Variants in PTPN14 observed in about 807,000 individuals in gnomAD.
The protein encoded by PTPN14 is protein tyrosine phosphatase non-receptor type 14, also known as tyrosine-protein phosphatase non-receptor type 14.
A neutral mutation model predicts 126.8 loss-of-function variants in PTPN14; 53 were observed. The observed-to-expected ratio is 0.42, with a 90% confidence interval of 0.34 to 0.53. The LOEUF (loss-of-function observed/expected upper bound fraction) is 0.53. Ranked by LOEUF, PTPN14 falls within the 20% of genes least tolerant of loss-of-function variation. PTPN14 has a pLI of 0.08. For synonymous variants in PTPN14, 630 were observed against 599.3 expected (o/e 1.05, Z -0.75); for missense variants, 1,257 against 1,552.9 (o/e 0.81, Z 3.20).
At chr1:214,423,478 T>C (rs1313237195) in intron 3 of PTPN14, among the ~76,000 whole-genome samples, 1 of 152,204 alleles carries the variant, frequency 6.6e-6, no homozygotes, top group African/African-American at 2.4e-5. Flanking sequence ...ACTGTAACCA[T>C]GAGCCCACTT....
At chr1:214,487,088 G>C (rs934440093) in intron 1 of PTPN14, among the ~76,000 whole-genome samples, 2 of 152,020 alleles carry the variant, frequency 1.3e-5, no homozygotes, top group African/African-American at 4.8e-5. Context: ...GAACTGCATT[G>C]CATCCACTTC....
intron 1 of PTPN14, among the ~76,000 whole-genome samples, chr1:214,527,529 T>C (rs1278602129): frequency 6.6e-6 from 1 of 152,200 alleles, no homozygotes; most frequent in African/African-American, 2.4e-5. Context: ...GTAATTCCAC[T>C]GCTATTTCAG....
chr1:214,406,626 G>A (rs1659178044), intron 5 of PTPN14, among the ~76,000 whole-genome samples: 1 of 152,148 alleles, frequency 6.6e-6, no homozygotes, highest in African/African-American at 2.4e-5. Flanking sequence ...TTAGATCCAA[G>A]AATAACAATG....
chr1:214,428,245 G>A (rs972610813), intron 3 of PTPN14, among the ~76,000 whole-genome samples: 17 of 152,222 alleles, frequency 1.1e-4, no homozygotes, highest in African/African-American at 4.1e-4. Flanking sequence ...AAGGCTGGAT[G>A]TGGTGTATGG....
intron 1 of PTPN14, among the ~76,000 whole-genome samples, chr1:214,501,144 T>C (rs1272278529): frequency 6.6e-6 from 1 of 152,200 alleles, no homozygotes; most frequent in Non-Finnish European, 1.5e-5. Context: ...AAATGCCAAA[T>C]TCGTCTTTTC....
At chr1:214,421,948 G>C (rs1338061041) in intron 3 of PTPN14, among the ~76,000 whole-genome samples, 1 of 152,088 alleles carries the variant, frequency 6.6e-6, no homozygotes, top group African/African-American at 2.4e-5. Context: ...ACTTCCCCCA[G>C]GCCTCTCCTG....
chr1:214,393,627 C>T, intron 10 of PTPN14, 68 bp downstream of exon 10: 1 of 1,220,276 alleles, frequency 8.2e-7, no homozygotes, highest in Non-Finnish European at 1.2e-6. Flanking sequence ...AGATCTACAG[C>T]ACCCCAAAAG....
At chr1:214,480,104 T>G (rs1296484989) in intron 1 of PTPN14, among the ~76,000 whole-genome samples, 1 of 152,224 alleles carries the variant, frequency 6.6e-6, no homozygotes, top group Non-Finnish European at 1.5e-5. Flanking sequence ...TTGGTTCTAA[T>G]TTTTTGCTAT....
In PTPN14 at chr1:214,442,057, C is replaced by A. The variant is rs569524894; in HGVS notation, c.344+9748G>T. On this transcript the variant is annotated intron_variant, in intron 3 of 18. Coordinates refer to ENST00000366956, the MANE Select transcript of PTPN14 (RefSeq NM_005401.5). ...GCTTAAGAACTTATTTTCAAAATAGCTCAATAGCACATTATTTTTGTTTGC... is the reference window on the plus strand; with the variant it reads ...GCTTAAGAACTTATTTTCAAAATAGATCAATAGCACATTATTTTTGTTTGC... Among the ~76,000 whole-genome samples the A allele has an allele frequency of 3.9e-5, 6 of 152,278 alleles. No homozygotes were observed. In the East Asian group the frequency reaches 1.2e-3, roughly 29 times the overall value.
At chr1:214,502,113 G>A (rs1654718260) in intron 1 of PTPN14, among the ~76,000 whole-genome samples, 1 of 150,168 alleles carries the variant, frequency 6.7e-6, no homozygotes, top group Non-Finnish European at 1.5e-5. Context: ...TATAAGGTGT[G>A]ATTGACATAC....
intron 7 of PTPN14, among the ~76,000 whole-genome samples, chr1:214,400,288 G>C (rs1008250024): frequency 1.3e-5 from 2 of 152,092 alleles, no homozygotes; most frequent in East Asian, 3.9e-4. Context: ...CCTCATCCTT[G>C]AGTCACCAGG....
At chr1:214,395,634 C>CAG (rs1302323055) in intron 8 of PTPN14, among the ~76,000 whole-genome samples, 4 of 147,504 alleles carry the variant, frequency 2.7e-5, no homozygotes, top group Admixed American at 1.4e-4. Flanking sequence ...CACACACACA[C>CAG]AGAGTTTCCT....
intron 5 of PTPN14, among the ~76,000 whole-genome samples, chr1:214,407,028 C>T (rs554498858): frequency 9.8e-4 from 149 of 152,294 alleles, no homozygotes; most frequent in African/African-American, 3.3e-3. Context: ...CCACCAAGCA[C>T]GCTGGGAAAC....
At chr1:214,435,778 T>G (rs1286632328) in intron 3 of PTPN14, among the ~76,000 whole-genome samples, 2 of 152,224 alleles carry the variant, frequency 1.3e-5, no homozygotes, top group African/African-American at 4.8e-5. Context: ...GCTTATACAC[T>G]GCTGGTGGGA....
At chr1:214,515,312 T>C (rs1655072221) in intron 1 of PTPN14, among the ~76,000 whole-genome samples, 2 of 152,212 alleles carry the variant, frequency 1.3e-5, no homozygotes, top group African/African-American at 4.8e-5. Flanking sequence ...GCACTTATTT[T>C]TTTTTTAACG....
chr1:214,383,571 C>T lies in PTPN14; in HGVS notation c.2284G>A (p.Gly762Arg). ...CTGGCTTGGTCCTGCCTCAGAGCCC[C>T]ATTGCTCACACTCTTCCTTGGACCG... ...YPGPRKSVSNGALRQDQASLP... is the reference protein window; with the variant it reads ...YPGPRKSVSNRALRQDQASLP... The change falls in exon 13 of 19, where the codon GGG becomes AGG. Residue 762 changes from glycine (G) to arginine (R), a missense_variant. Gly to Arg is a moderately radical substitution (Grantham distance 125). Transcript: ENST00000366956. This position sits in a 1 kb window ranked among gnomAD's most constrained non-coding sequence, Gnocchi z 4.4. 2 of 1,613,804 alleles carry T rather than the reference C, an allele frequency of 1.2e-6. No individual in the cohort carries two copies. Among genetic ancestry groups the T allele is most frequent in the Non-Finnish European group, 1.7e-6 (2 of 1,179,942 alleles).
At chr1:214,486,013 A>C (rs1002706462) in intron 1 of PTPN14, among the ~76,000 whole-genome samples, 2 of 152,182 alleles carry the variant, frequency 1.3e-5, no homozygotes, top group Admixed American at 6.5e-5. Context: ...GGCGTGAGCC[A>C]CCGCACCCGG....
chr1:214,548,686 C>G (rs901399506), intron 1 of PTPN14, among the ~76,000 whole-genome samples: 1 of 152,170 alleles, frequency 6.6e-6, no homozygotes, highest in Non-Finnish European at 1.5e-5. Flanking sequence ...TTGATGTTTG[C>G]TTCCCCGGAG....
rs144288661 is a variant in PTPN14 at position 214,435,255 on chromosome 1, C to CGT, written c.344+16548_344+16549dup. On this transcript the variant is annotated intron_variant, in intron 3 of 18. Coordinates refer to ENST00000366956, the MANE Select transcript of PTPN14 (RefSeq NM_005401.5). The stretch of plus-strand genomic sequence containing the variant: ...AGTGTGTCTGCTGTGTGTGTGTGTG[C>CGT]GTGTGTGTGTGTGTGTGTTGAGATA... 6.9e-4 allele frequency among the ~76,000 whole-genome samples: 102 copies of CGT among 148,574 alleles called. 1 individual carries two copies. The highest frequency in any genetic ancestry group is 1.9e-3 in the Admixed American group (28 of 14,874).
Sources: gnomAD v4.1 joint callset for allele counts (sites outside exome capture counted in the v4.1 genomes callset) on GRCh38, gnomAD v4.1.1 for gene constraint, Gnocchi (gnomAD v3.1) non-coding constraint, MANE v1.5 for transcripts, NCBI Gene and HGNC (gene_info 2026-07-23, HGNC 2026-07-21) for gene names.